ST7L: variants seen among roughly 807,000 people sequenced by gnomAD.
ST7L encodes suppression of tumorigenicity 7 like, also known as suppressor of tumorigenicity 7 protein-like.
A neutral mutation model predicts 72.5 loss-of-function variants in ST7L; 57 were observed. That is an observed-to-expected ratio of 0.79 (90% CI 0.64 to 0.98). The LOEUF (loss-of-function observed/expected upper bound fraction) is 0.98, where lower values mean the gene tolerates loss of function less well. Among genes scored for constraint, ST7L ranks in the 50% least tolerant of loss-of-function variants. The pLI, the probability that ST7L is intolerant of heterozygous loss-of-function variation, is 0.00. For missense variants in ST7L, 576 were observed against 672.2 expected (o/e 0.86, Z 1.58); for synonymous variants, 221 against 240.9 (o/e 0.92, Z 0.77).
At chr1:112,535,722 C>CAA (rs879742619) in intron 14 of ST7L, among the ~76,000 whole-genome samples, 3 of 123,900 alleles carry the variant, frequency 2.4e-5, no homozygotes, top group Admixed American at 8.3e-5. Context: ...GACTCTGTCT[C>CAA]AAAAAAAAAA....
intron 7 of ST7L, among the ~76,000 whole-genome samples, chr1:112,582,753 A>G (rs754873490): frequency 3.9e-5 from 6 of 152,170 alleles, no homozygotes; most frequent in Non-Finnish European, 7.4e-5. Flanking sequence ...AGTATATATA[A>G]TTCGTGTATG....
chr1:112,597,695 G>C (rs1416641197), intron 5 of ST7L, among the ~76,000 whole-genome samples: 1 of 152,086 alleles, frequency 6.6e-6, no homozygotes, highest in Non-Finnish European at 1.5e-5. Context: ...GACAGAAATG[G>C]GGTACACTGT....
intron 3 of ST7L, among the ~76,000 whole-genome samples, chr1:112,605,558 C>T (rs1200118818): frequency 7.3e-5 from 11 of 150,232 alleles, no homozygotes; most frequent in Non-Finnish European, 1.0e-4. Context: ...GGCGTGGTGG[C>T]GCATGCCTGT....
intron 4 of ST7L, among the ~76,000 whole-genome samples, chr1:112,599,519 A>G (rs775004621): frequency 1.3e-5 from 2 of 152,222 alleles, no homozygotes; most frequent in African/African-American, 4.8e-5. Flanking sequence ...ATCTTTGCTC[A>G]TAAGTTTCAA....
At position 112,597,959 on chromosome 1, in the gene ST7L, T is replaced by C; in HGVS notation, c.622+12A>G. On this transcript the variant is annotated intron_variant, in intron 5 of 14. Transcript: ENST00000358039. ...GATCACTGTTTATACTATGAACAGA[T>C]ATGATACATACCTGTGTCTGAAGGA... 6.3e-7 allele frequency: 1 copy of C among 1,593,366 alleles called. No individual in the cohort carries two copies. The highest frequency in any genetic ancestry group is 8.6e-7 in the Non-Finnish European group (1 of 1,163,830).
chr1:112,552,492 C>T (rs1035589320), intron 12 of ST7L, among the ~76,000 whole-genome samples: 3 of 152,116 alleles, frequency 2.0e-5, no homozygotes, highest in Non-Finnish European at 4.4e-5. Flanking sequence ...ACAATCTCCG[C>T]CTCCCAGGTT....
intron 9 of ST7L, 37 bp downstream of exon 9, chr1:112,581,955 G>T (rs763435865): frequency 4.6e-6 from 6 of 1,293,044 alleles, no homozygotes; most frequent in East Asian, 2.3e-5. Context: ...AATTGGAAAA[G>T]AATAACCATG....
chr1:112,591,622 T>C lies in ST7L; in HGVS notation c.623-19A>G. ...TGCATAACTGTAGAAAAAAATTCCA[T>C]AAAATAGATGAGATGGTAAAAAAAT... On this transcript the variant is annotated intron_variant, in intron 5 of 14. Coordinates refer to ENST00000358039, the MANE Select transcript of ST7L (RefSeq NM_017744.5). 1 of 1,593,868 alleles carries C rather than the reference T, an allele frequency of 6.3e-7. No homozygotes were observed. The highest frequency in any genetic ancestry group is 8.5e-7 in the Non-Finnish European group (1 of 1,170,292).
At chr1:112,609,828 T>C (rs953754477) in intron 3 of ST7L, among the ~76,000 whole-genome samples, 2 of 152,064 alleles carry the variant, frequency 1.3e-5, no homozygotes, top group Admixed American at 6.6e-5. Context: ...TCTAACTAAA[T>C]AAATAAATAA....
intron 14 of ST7L, among the ~76,000 whole-genome samples, chr1:112,531,959 T>A (rs1654459966): frequency 6.6e-6 from 1 of 151,500 alleles, no homozygotes; most frequent in South Asian, 2.1e-4. Context: ...CAGGACTCTC[T>A]GAACTGCATG....
At chr1:112,618,440 A>T (rs1670289477) in intron 1 of ST7L, 1 of 209,038 alleles carries the variant, frequency 4.8e-6, no homozygotes, top group Non-Finnish European at 8.5e-6. Flanking sequence ...GAGAATCCTC[A>T]ATTAAAATCA....
upstream of ST7L, chr1:112,619,648 G>A: frequency 1.7e-6 from 1 of 592,216 alleles, no homozygotes; most frequent in Non-Finnish European, 3.0e-6. Context: ...AATCACCTAA[G>A]GCAAACCCTA....
At chr1:112,535,625 G>A (rs1655077076) in intron 14 of ST7L, among the ~76,000 whole-genome samples, 1 of 151,648 alleles carries the variant, frequency 6.6e-6, no homozygotes. Flanking sequence ...CCAGCTACTC[G>A]GGAGGCTGAG....
chr1:112,565,759 G>A (rs565201413), intron 11 of ST7L, among the ~76,000 whole-genome samples: 13 of 152,246 alleles, frequency 8.5e-5, no homozygotes, highest in African/African-American at 3.1e-4. Flanking sequence ...GCTCATGCCT[G>A]TAATCCCAGC....
chr1:112,531,982 TTTTG>T (rs957477365), intron 14 of ST7L, among the ~76,000 whole-genome samples: 1 of 98,536 alleles, frequency 1.0e-5, no homozygotes, highest in African/African-American at 3.2e-5. Flanking sequence ...CTACTGCAGT[TTTTG>T]TTTTTTGTTT....
chr1:112,610,568 G>A (rs183182877), intron 3 of ST7L: 20 of 339,174 alleles, frequency 5.9e-5, no homozygotes, highest in Admixed American at 5.1e-4. Context: ...GTTCACAGAC[G>A]GCGCCTTCTC....
chr1:112,571,253 A>G (rs1479956922), intron 11 of ST7L: 15 of 451,240 alleles, frequency 3.3e-5, no homozygotes, highest in Admixed American at 1.2e-4. Context: ...AAACAATAAT[A>G]TAAGTTTATA....
intron 6 of ST7L, among the ~76,000 whole-genome samples, chr1:112,585,516 G>T (rs1254570703): frequency 6.6e-6 from 1 of 152,154 alleles, no homozygotes; most frequent in Non-Finnish European, 1.5e-5. Flanking sequence ...GCCGAGGCGG[G>T]CGGATCACGA....
chr1:112,551,449 A>G (rs2101557395), intron 12 of ST7L, among the ~76,000 whole-genome samples: 1 of 152,276 alleles, frequency 6.6e-6, no homozygotes. Context: ...CGCCCGGCCT[A>G]TGAGCAGATC....
Sources: allele counts gnomAD v4.1 joint callset (sites outside exome capture counted in the v4.1 genomes callset), GRCh38; gene constraint gnomAD v4.1.1; transcripts MANE v1.5; gene names NCBI Gene and HGNC (gene_info 2026-07-23, HGNC 2026-07-21).